Variants in SLCO6A1 observed in about 807,000 individuals in gnomAD.
SLCO6A1 encodes the protein cancer/testis antigen 48.
SLCO6A1 carries 65 observed loss-of-function variants against 72.7 expected under a neutral mutation model. The observed-to-expected ratio is 0.89, with a 90% CI of 0.73 to 1.10. The LOEUF is 1.10. SLCO6A1 is among the 50% of genes least tolerant of loss of function. The pLI, the probability that SLCO6A1 is intolerant of heterozygous loss-of-function variation, is 0.00. For synonymous variants in SLCO6A1, 314 were observed against 298.2 expected, an observed-to-expected ratio of 1.05 and a Z score of -0.55; for missense variants, 874 against 872.6, an observed-to-expected ratio of 1.00 and a Z score of -0.02.
chr5:102,441,726 A>G (rs2112690449), intron 6 of SLCO6A1, among the ~76,000 whole-genome samples: 1 of 152,180 alleles, frequency 6.6e-6, no homozygotes, highest in South Asian at 2.1e-4. Context: ...ATAATGTTGC[A>G]TAAAGTTTTA....
At chr5:102,416,756 C>T (rs1274588695) in intron 8 of SLCO6A1, among the ~76,000 whole-genome samples, 4 of 152,072 alleles carry the variant, frequency 2.6e-5, no homozygotes, top group South Asian at 2.1e-4. Flanking sequence ...TAAAAATGTA[C>T]TGAGATTGGT....
chr5:102,464,022 G>A (rs777096446), intron 4 of SLCO6A1, among the ~76,000 whole-genome samples: 8 of 152,078 alleles, frequency 5.3e-5, no homozygotes, highest in Non-Finnish European at 7.3e-5. Flanking sequence ...AAATGTAATG[G>A]ACTTTGGGGA....
At chr5:102,402,144 G>A (rs1273254836) in intron 9 of SLCO6A1, among the ~76,000 whole-genome samples, 1 of 152,028 alleles carries the variant, frequency 6.6e-6, no homozygotes, top group Non-Finnish European at 1.5e-5. Context: ...GATCATGGAA[G>A]GAGTAAAGTT....
intron 4 of SLCO6A1, among the ~76,000 whole-genome samples, chr5:102,475,229 T>C (rs1751833942): frequency 6.6e-6 from 1 of 152,082 alleles, no homozygotes; most frequent in South Asian, 2.1e-4. Context: ...GTGTGGTATG[T>C]ACAATAATAC....
In SLCO6A1 at chr5:102,450,940, C is replaced by T. The variant is rs537326892; in HGVS notation, c.1131+7442G>A. On this transcript the variant is annotated intron_variant, in intron 6 of 13. Transcript: ENST00000506729. Reference sequence around the variant, plus strand: ...AAGGATAGTAACCGTGGTACCACTACAGCAGCAAGGGCAGAGGGGCTGTGA... The same window carrying T: ...AAGGATAGTAACCGTGGTACCACTATAGCAGCAAGGGCAGAGGGGCTGTGA... Among the ~76,000 whole-genome samples the T allele has an allele frequency of 2.0e-4, 31 of 152,322 alleles. 1 individual carries two copies. The highest frequency in any genetic ancestry group is 3.7e-4 in the Non-Finnish European group (25 of 68,030).
intron 2 of SLCO6A1, among the ~76,000 whole-genome samples, chr5:102,479,513 G>A (rs561239808): frequency 1.1e-4 from 17 of 151,914 alleles, no homozygotes; most frequent in South Asian, 6.3e-4. Context: ...CTATCTTTCC[G>A]CTCACTCTTT....
chr5:102,490,596 G>A (rs1752628100), intron 1 of SLCO6A1, among the ~76,000 whole-genome samples: 1 of 152,118 alleles, frequency 6.6e-6, no homozygotes. Flanking sequence ...GTTCTTAAAG[G>A]CGGCATGTCT....
chr5:102,458,567 C>A, intron 5 of SLCO6A1, 76 bp from the exon 6 acceptor site: 1 of 889,558 alleles, frequency 1.1e-6, no homozygotes, highest in Non-Finnish European at 1.7e-6. Flanking sequence ...ACATACACAC[C>A]CTAATAAATT....
At chr5:102,429,391 A>T (rs1749087670) in intron 7 of SLCO6A1, among the ~76,000 whole-genome samples, 1 of 152,148 alleles carries the variant, frequency 6.6e-6, no homozygotes, top group African/African-American at 2.4e-5. Flanking sequence ...TCCTATGTGC[A>T]GAATGGTATT....
chr5:102,373,249 T>C (rs1750722861), intron 13 of SLCO6A1, 88 bp downstream of exon 13: 8 of 810,572 alleles, frequency 9.9e-6, no homozygotes, highest in Non-Finnish European at 1.3e-5. Flanking sequence ...ATGAAGCACA[T>C]TTGTTAAACA....
chr5:102,471,640 T>G (rs78580608), intron 4 of SLCO6A1, among the ~76,000 whole-genome samples: 8,237 of 152,168 alleles, frequency 0.054, 733 homozygotes, highest in African/African-American at 0.19. Flanking sequence ...ATAATTTTAA[T>G]AACTGTGTCC....
intron 7 of SLCO6A1, among the ~76,000 whole-genome samples, chr5:102,426,318 C>A (rs1580403878): frequency 6.6e-6 from 1 of 152,164 alleles, no homozygotes; most frequent in South Asian, 2.1e-4. Context: ...AAACTATCAT[C>A]AGAGTGAATG....
chr5:102,388,920 A>G, intron 11 of SLCO6A1, 95 bp from the exon 12 acceptor site: 3 of 1,066,676 alleles, frequency 2.8e-6, no homozygotes, highest in South Asian at 1.7e-5. Context: ...ATGACGACTC[A>G]TCATTCAAAA....
Position 102,459,557 on chromosome 5 carries a change from C to T in SLCO6A1, c.1021+99G>A, listed in dbSNP as rs1199401974. On this transcript the variant is annotated intron_variant, in intron 5 of 13. Coordinates refer to ENST00000506729, the MANE Select transcript of SLCO6A1 (RefSeq NM_173488.5). ...AAACCACTACAGCGAGAGGCATACT[C>T]ATTTTATTAAAAATGTAATACAGTC... 3.8e-6 allele frequency: 5 copies of T among 1,306,724 alleles called. 1 individual carries two copies. Among genetic ancestry groups the T allele is most frequent in the Non-Finnish European group, 2.0e-6 (2 of 977,488 alleles). The allele number at this position is 1,306,724 out of a possible 1,614,324, so 80.9% of individuals were successfully genotyped here. A position where few individuals can be genotyped will look rare whatever the true frequency, so the allele number is the denominator to read the frequency against.
chr5:102,391,269 A>G lies in SLCO6A1; in HGVS notation c.1815-224T>C, dbSNP rs1251068461. 6.5e-6 allele frequency: 3 copies of G among 459,150 alleles called. No individual in the cohort carries two copies. The African/African-American group carries it at 7.0e-5, about 11-fold the overall frequency. The allele number at this position is 459,150 out of a possible 1,614,324, so 28.4% of individuals were successfully genotyped here. A position where few individuals can be genotyped will look rare whatever the true frequency, so the allele number is the denominator to read the frequency against. ...TTTCCAAAGGTCCTTAGTCTTCCCA[A>G]AGAAGAAGGTTTTTATGGCCCAAAT... is the stretch of plus-strand genomic sequence containing the variant. On this transcript the variant is annotated intron_variant, in intron 10 of 13. Transcript: ENST00000506729.
At chr5:102,376,823 T>C (rs917410405) in intron 12 of SLCO6A1, among the ~76,000 whole-genome samples, 1 of 152,178 alleles carries the variant, frequency 6.6e-6, no homozygotes, top group Admixed American at 6.6e-5. Context: ...ATTCCACTTT[T>C]GGGGATTTAC....
chr5:102,474,754 A>G (rs190392716), intron 4 of SLCO6A1, among the ~76,000 whole-genome samples: 1 of 152,164 alleles, frequency 6.6e-6, no homozygotes, highest in Admixed American at 6.6e-5. Flanking sequence ...AAAATGGCCA[A>G]AGGACTTGGA....
At chr5:102,485,281 T>TAAAC (rs1752396630) in intron 1 of SLCO6A1, among the ~76,000 whole-genome samples, 1 of 125,010 alleles carries the variant, frequency 8.0e-6, no homozygotes, top group Non-Finnish European at 1.7e-5. Context: ...AATAAATAAA[T>TAAAC]AAATAAATAA....
intron 9 of SLCO6A1, among the ~76,000 whole-genome samples, chr5:102,403,303 C>G (rs1340300040): frequency 6.6e-6 from 1 of 151,972 alleles, no homozygotes; most frequent in Admixed American, 6.6e-5. Flanking sequence ...TACACAGTTA[C>G]CAGAGCATAG....
Sources: allele counts gnomAD v4.1 joint callset (sites outside exome capture counted in the v4.1 genomes callset), GRCh38; gene constraint gnomAD v4.1.1; transcripts MANE v1.5; gene names NCBI Gene and HGNC (gene_info 2026-07-23, HGNC 2026-07-21).